Variants in TOX observed in about 807,000 individuals in gnomAD.
TOX encodes the protein thymocyte selection associated high mobility group box, also known as thymocyte selection-associated high mobility group box protein TOX.
A neutral mutation model predicts 53.7 loss-of-function variants in TOX; 11 were observed. The ratio of observed to expected loss-of-function variants is 0.20; its 90% CI spans 0.13 to 0.34. The LOEUF is 0.34. TOX is among the 10% of genes least tolerant of loss of function. TOX has a pLI of 1.00. For synonymous variants in TOX, 225 were observed against 245.3 expected (o/e 0.92, Z 0.77); for missense variants, 570 against 664.6 (o/e 0.86, Z 1.56).
At chr8:58,892,456 C>T (rs1286995963) in intron 3 of TOX, among the ~76,000 whole-genome samples, 2 of 152,046 alleles carry the variant, frequency 1.3e-5, no homozygotes, top group Non-Finnish European at 2.9e-5. Context: ...ACCTGAACTG[C>T]CCTGATTTTA....
chr8:59,070,948 A>C (rs1683721364), intron 1 of TOX, among the ~76,000 whole-genome samples: 1 of 152,192 alleles, frequency 6.6e-6, no homozygotes, highest in African/African-American at 2.4e-5. Context: ...GAAATGAATC[A>C]CAGAAAAAGC....
chr8:59,116,175 A>C (rs1805095956), intron 1 of TOX, among the ~76,000 whole-genome samples: 1 of 152,228 alleles, frequency 6.6e-6, no homozygotes, highest in East Asian at 1.9e-4. Context: ...ACTTTAAATA[A>C]GCAAAGTGTT....
chr8:59,044,097 G>A (rs1234322623), intron 1 of TOX, among the ~76,000 whole-genome samples: 1 of 151,944 alleles, frequency 6.6e-6, no homozygotes, highest in African/African-American at 2.4e-5. Context: ...AAAAACCACA[G>A]AATTATGCTG....
In TOX at chr8:59,118,045, C is replaced by T. The variant is rs1168772272; in HGVS notation, c.102+841G>A. ...TGGACCCAGCCGAACTCCGCAGCAGCCCAGGCCAGCGCCCCACCTCCGGGT... is the reference window on the plus strand; with the variant it reads ...TGGACCCAGCCGAACTCCGCAGCAGTCCAGGCCAGCGCCCCACCTCCGGGT... On this transcript the variant is annotated intron_variant, in intron 1 of 8. Coordinates refer to ENST00000361421, the MANE Select transcript of TOX (RefSeq NM_014729.3). This position sits in a 1 kb window ranked among gnomAD's most constrained non-coding sequence, Gnocchi z 4.1. Among the ~76,000 whole-genome samples the T allele has an allele frequency of 3.3e-5, 5 of 152,198 alleles. No homozygotes were observed. The highest frequency in any genetic ancestry group is 1.2e-4 in the African/African-American group (5 of 41,454).
At chr8:59,111,081 G>A (rs1805009063) in intron 1 of TOX, among the ~76,000 whole-genome samples, 2 of 152,118 alleles carry the variant, frequency 1.3e-5, no homozygotes, top group Non-Finnish European at 2.9e-5. Context: ...TGGATTAAAG[G>A]TTTTAGTGTC....
chr8:58,937,766 G>T (rs1812370744), intron 3 of TOX, among the ~76,000 whole-genome samples: 1 of 152,024 alleles, frequency 6.6e-6, no homozygotes, highest in Non-Finnish European at 1.5e-5. Context: ...AACAAAACTG[G>T]CATTTTCCAT....
chr8:58,830,669 T>G (rs920480463), intron 5 of TOX, among the ~76,000 whole-genome samples: 1 of 152,204 alleles, frequency 6.6e-6, no homozygotes, highest in Non-Finnish European at 1.5e-5. Context: ...TCCTTCCTTC[T>G]TTTCTGCTCT....
intron 1 of TOX, among the ~76,000 whole-genome samples, chr8:59,076,883 A>T (rs1804302046): frequency 6.6e-6 from 1 of 152,218 alleles, no homozygotes; most frequent in African/African-American, 2.4e-5. Flanking sequence ...AACCAAGTCT[A>T]TCAACTACCA....
intron 5 of TOX, among the ~76,000 whole-genome samples, chr8:58,831,847 T>TACC (rs767437540): frequency 2.6e-5 from 4 of 152,166 alleles, no homozygotes; most frequent in Non-Finnish European, 5.9e-5. Context: ...TGTTCTAAAT[T>TACC]ACAATGTACA....
intron 1 of TOX, among the ~76,000 whole-genome samples, chr8:59,072,726 T>C (rs1804220002): frequency 1.3e-5 from 2 of 152,200 alleles, no homozygotes; most frequent in Admixed American, 1.3e-4. Context: ...GCTTATATTA[T>C]TTCTAATTCT....
chr8:59,110,655 G>T (rs191660765), intron 1 of TOX, among the ~76,000 whole-genome samples: 1 of 152,064 alleles, frequency 6.6e-6, no homozygotes, highest in East Asian at 1.9e-4. Flanking sequence ...TTCTTACAGT[G>T]CAAAACAGAC....
At chr8:59,102,748 A>C (rs1804827810) in intron 1 of TOX, among the ~76,000 whole-genome samples, 1 of 152,140 alleles carries the variant, frequency 6.6e-6, no homozygotes, top group Admixed American at 6.5e-5. Flanking sequence ...TGAAAATAGT[A>C]TCAATCATCT....
intron 3 of TOX, among the ~76,000 whole-genome samples, chr8:58,869,503 G>C (rs1811162563): frequency 6.6e-6 from 1 of 151,988 alleles, no homozygotes; most frequent in Non-Finnish European, 1.5e-5. Flanking sequence ...CCAGGAATTA[G>C]AAACAGACGA....
chr8:58,893,672 T>G (rs1347894034), intron 3 of TOX, among the ~76,000 whole-genome samples: 3 of 152,148 alleles, frequency 2.0e-5, no homozygotes, highest in Admixed American at 2.0e-4. Context: ...CTTTGGTGGG[T>G]TTTCTTTCCC....
In TOX at chr8:58,892,528, G is replaced by C. The variant is rs1267243514; in HGVS notation, c.412-40723C>G. Among the ~76,000 whole-genome samples the C allele has an allele frequency of 2.6e-5, 4 of 152,160 alleles. No individual in the cohort carries two copies. The East Asian group carries it at 7.7e-4, about 29-fold the overall frequency. On this transcript the variant is annotated intron_variant, in intron 3 of 8. Coordinates refer to ENST00000361421, the MANE Select transcript of TOX (RefSeq NM_014729.3). ...TGTTACCAATATTGTATCCAAAACAGATAAAGGAAGAATGCATGTGGCTTT... is the reference window on the plus strand; with the variant it reads ...TGTTACCAATATTGTATCCAAAACACATAAAGGAAGAATGCATGTGGCTTT...
At chr8:59,011,206 A>G (rs1054631834) in intron 1 of TOX, among the ~76,000 whole-genome samples, 8 of 152,258 alleles carry the variant, frequency 5.3e-5, no homozygotes, top group Non-Finnish European at 8.8e-5. Context: ...AAGCCAAGGT[A>G]ACAAAGAGAC....
intron 2 of TOX, among the ~76,000 whole-genome samples, chr8:58,950,402 T>C (rs1268165137): frequency 6.6e-6 from 1 of 152,186 alleles, no homozygotes; most frequent in Non-Finnish European, 1.5e-5. Flanking sequence ...GCCTGTGCTC[T>C]TGGTTTGCCT....
chr8:59,007,704 T>C (rs898073967), intron 1 of TOX, among the ~76,000 whole-genome samples: 1 of 152,204 alleles, frequency 6.6e-6, no homozygotes, highest in Non-Finnish European at 1.5e-5. Flanking sequence ...ATAAAAGTAG[T>C]GTTTGGCACT....
intron 6 of TOX, among the ~76,000 whole-genome samples, chr8:58,821,126 T>C (rs866760514): frequency 2.0e-5 from 3 of 152,158 alleles, no homozygotes; most frequent in Non-Finnish European, 2.9e-5. Context: ...TATAGATGAA[T>C]GCATTTTTGT....
Sources: allele counts gnomAD v4.1 joint callset (sites outside exome capture counted in the v4.1 genomes callset), GRCh38; gene constraint gnomAD v4.1.1; non-coding constraint Gnocchi (gnomAD v3.1); transcripts MANE v1.5; gene names NCBI Gene and HGNC (gene_info 2026-07-23, HGNC 2026-07-21).